TBC1D23: variants seen among roughly 807,000 people sequenced by gnomAD.
TBC1D23 encodes HCV non-structural protein 4A-transactivated protein 1.
In TBC1D23, 55 loss-of-function variants were observed where a neutral mutation model predicts 91.4. The observed-to-expected ratio is 0.60, with a 90% CI of 0.48 to 0.75. The LOEUF is 0.75. Ranked by LOEUF, TBC1D23 falls within the 30% of genes least tolerant of loss-of-function variation. TBC1D23 has a pLI of 0.00. For synonymous variants in TBC1D23, 289 were observed against 281.0 expected (o/e 1.03, Z -0.28); for missense variants, 725 against 836.1 (o/e 0.87, Z 1.64).
chr3:100,295,279 A>G (rs2067829277), intron 6 of TBC1D23, 23 bp from the exon 7 acceptor site: 3 of 1,605,902 alleles, frequency 1.9e-6, no homozygotes, highest in Non-Finnish European at 2.5e-6. Flanking sequence ...TTTAACTCAA[A>G]TTGATTTGAT....
intron 15 of TBC1D23, 131 bp downstream of exon 15, chr3:100,312,008 C>A: frequency 3.1e-6 from 2 of 636,676 alleles, no homozygotes; most frequent in South Asian, 4.0e-5. Flanking sequence ...TTTCCTCATT[C>A]TGCTTTTTAG....
At chr3:100,292,144 G>T (rs898734280) in intron 5 of TBC1D23, among the ~76,000 whole-genome samples, 1 of 152,132 alleles carries the variant, frequency 6.6e-6, no homozygotes, top group African/African-American at 2.4e-5. Context: ...GAATATATAT[G>T]CAAAAGGCAG....
At chr3:100,313,572 CAATT>C (rs542953082) in intron 15 of TBC1D23, among the ~76,000 whole-genome samples, 42 of 152,222 alleles carry the variant, frequency 2.8e-4, no homozygotes, top group Non-Finnish European at 4.9e-4. Flanking sequence ...TCTTGATTAA[CAATT>C]AATAATTTGT....
At position 100,284,646 on chromosome 3, in the gene TBC1D23, A is replaced by G. The variant is rs1452880745; in HGVS notation, c.476+835A>G. 2.0e-5 allele frequency among the ~76,000 whole-genome samples: 3 copies of G among 152,132 alleles called. No individual in the cohort carries two copies. In the East Asian group the frequency reaches 5.8e-4, roughly 29 times the overall value. On this transcript the variant is annotated intron_variant, in intron 4 of 18. Transcript: ENST00000394144. ...GGCATTTGAGACCAGACAGATGTGC[A>G]GGTGGTTGTGATGGGGGTTGTAGTG...
At chr3:100,298,988 CCTT>C (rs377440390) in intron 9 of TBC1D23, among the ~76,000 whole-genome samples, 16 of 152,104 alleles carry the variant, frequency 1.1e-4, no homozygotes, top group African/African-American at 3.9e-4. Context: ...CAGACACTCT[CCTT>C]CTATGTATTT....
intron 4 of TBC1D23, among the ~76,000 whole-genome samples, chr3:100,285,651 C>T (rs192022078): frequency 1.2e-3 from 188 of 152,236 alleles, no homozygotes; most frequent in African/African-American, 4.3e-3. Flanking sequence ...CTGGAATTGC[C>T]GGATTTTTCC....
chr3:100,281,024 G>T (rs1052776169), intron 2 of TBC1D23, among the ~76,000 whole-genome samples: 1 of 152,120 alleles, frequency 6.6e-6, no homozygotes, highest in African/African-American at 2.4e-5. Flanking sequence ...GCTGGGCGTG[G>T]TGGTGGGTGC....
At chr3:100,302,712 G>A (rs1057329659) in intron 11 of TBC1D23, among the ~76,000 whole-genome samples, 2 of 151,916 alleles carry the variant, frequency 1.3e-5, no homozygotes, top group Admixed American at 6.6e-5. Context: ...TTAGCCTCTC[G>A]AGTAGCTGGG....
chr3:100,294,625 G>A (rs1414875008), intron 5 of TBC1D23, among the ~76,000 whole-genome samples: 1 of 152,076 alleles, frequency 6.6e-6, no homozygotes, highest in East Asian at 1.9e-4. Flanking sequence ...TATGATTAAA[G>A]TTTTATTAGC....
rs1559807774 is a variant in TBC1D23 at position 100,295,077 on chromosome 3, CT to C, written c.601-9del. On this transcript the variant is annotated splice_polypyrimidine_tract_variant and intron_variant, in intron 5 of 18. Transcript: ENST00000394144. ...TGGTTTATGTCTCTCATTTCATTTC[CT>C]GATTACAGCTTGGAAGTCTTTTTGC... 1 of 1,563,486 alleles carries C rather than the reference CT, an allele frequency of 6.4e-7. No homozygotes were observed. Among genetic ancestry groups the C allele is most frequent in the Non-Finnish European group, 8.6e-7 (1 of 1,161,016 alleles).
chr3:100,283,254 A>G (rs939297982), intron 3 of TBC1D23, among the ~76,000 whole-genome samples: 3 of 152,170 alleles, frequency 2.0e-5, no homozygotes, highest in African/African-American at 7.2e-5. Flanking sequence ...CTTGCCTGTA[A>G]TCCTGGCTAC....
intron 4 of TBC1D23, among the ~76,000 whole-genome samples, chr3:100,285,146 A>G (rs2067729180): frequency 6.6e-6 from 1 of 152,196 alleles, no homozygotes; most frequent in African/African-American, 2.4e-5. Flanking sequence ...TTTATATTCC[A>G]TAAAATTCAC....
In TBC1D23 at chr3:100,280,736, T is replaced by C. The variant is rs2067687087; in HGVS notation, c.165+976T>C. Among the ~76,000 whole-genome samples the C allele has an allele frequency of 2.0e-5, 3 of 152,244 alleles. No individual in the cohort carries two copies. In the South Asian group the frequency reaches 6.2e-4, roughly 32 times the overall value. On this transcript the variant is annotated intron_variant, in intron 2 of 18. Transcript: ENST00000394144. ...AACTCCCATGTGCCCATAACCCAGCTTTAACTGGTATCAACATTTAGCCAG... is the reference window on the plus strand; with the variant it reads ...AACTCCCATGTGCCCATAACCCAGCCTTAACTGGTATCAACATTTAGCCAG...
intron 16 of TBC1D23, among the ~76,000 whole-genome samples, chr3:100,316,889 C>G (rs1218696758): frequency 6.6e-6 from 1 of 151,902 alleles, no homozygotes; most frequent in Non-Finnish European, 1.5e-5. Context: ...GTCAGGAGTT[C>G]AAGACCAACA....
In TBC1D23 at chr3:100,293,633, G is replaced by A. The variant is rs549814467; in HGVS notation, c.601-1454G>A. 3.1e-4 allele frequency among the ~76,000 whole-genome samples: 47 copies of A among 152,186 alleles called. 1 individual carries two copies. The highest frequency in any genetic ancestry group is 6.8e-3 in the Middle Eastern group (2 of 294). ...CCTCTTCTAATCTGTGTTTGTAATCGTAATTTTTAAAGCAACCACAAAAAA... is the reference window on the plus strand; with the variant it reads ...CCTCTTCTAATCTGTGTTTGTAATCATAATTTTTAAAGCAACCACAAAAAA... On this transcript the variant is annotated intron_variant, in intron 5 of 18. Coordinates refer to ENST00000394144, the MANE Select transcript of TBC1D23 (RefSeq NM_001199198.3).
At chr3:100,321,689 C>T (rs532908113) in intron 18 of TBC1D23, among the ~76,000 whole-genome samples, 13 of 152,192 alleles carry the variant, frequency 8.5e-5, no homozygotes, top group African/African-American at 2.9e-4. Context: ...AAGGTTATAT[C>T]GCAGCACTTT....
Position 100,290,623 on chromosome 3 carries a change from C to T in TBC1D23, c.522C>T (p.Leu174=), listed in dbSNP as rs2067781774. 1.2e-6 allele frequency: 2 copies of T among 1,613,798 alleles called. No individual in the cohort carries two copies. Among genetic ancestry groups the T allele is most frequent in the Non-Finnish European group, 1.7e-6 (2 of 1,179,748 alleles). ...GACCATTTCATCTCTTCAGGTTGCT[C>T]ATCCAATACCATGAGCCTGAGCTTT... ...KGRPFHLFRL[L]IQYHEPELCS... Residue 174 remains leucine (L), a synonymous_variant, in exon 5 of 19, where the codon CTC becomes CTT. Transcript: ENST00000394144.
At chr3:100,321,381 G>A (rs148091220) in intron 18 of TBC1D23, among the ~76,000 whole-genome samples, 216 of 152,276 alleles carry the variant, frequency 1.4e-3, no homozygotes, top group Middle Eastern at 6.8e-3. Context: ...TTACAGCCTG[G>A]TACAAGCCCC....
intron 13 of TBC1D23, among the ~76,000 whole-genome samples, chr3:100,307,829 TACAA>T (rs1705540125): frequency 6.6e-6 from 1 of 152,244 alleles, no homozygotes; most frequent in Non-Finnish European, 1.5e-5. Flanking sequence ...TTTTTTCTGT[TACAA>T]ACACTATTTA....
Sources: gnomAD v4.1 joint callset for allele counts (sites outside exome capture counted in the v4.1 genomes callset) on GRCh38, gnomAD v4.1.1 for gene constraint, MANE v1.5 for transcripts, NCBI Gene and HGNC (gene_info 2026-07-23, HGNC 2026-07-21) for gene names.